Variants in CACHD1 observed in about 807,000 individuals in gnomAD.
The protein encoded by CACHD1 is VWFA and cache domain-containing protein 1.
CACHD1 carries 71 observed loss-of-function variants against 138.7 expected under a neutral mutation model. The observed-to-expected ratio is 0.51, with a 90% CI of 0.42 to 0.62. The LOEUF (loss-of-function observed/expected upper bound fraction) is 0.62. Among genes scored for constraint, CACHD1 ranks in the 20% least tolerant of loss-of-function variants. The pLI, the probability that CACHD1 is intolerant of heterozygous loss-of-function variation, is 0.00. For missense variants in CACHD1, 1,389 were observed against 1,625.3 expected, an observed-to-expected ratio of 0.85 and a Z score of 2.50; for synonymous variants, 578 against 591.5, an observed-to-expected ratio of 0.98 and a Z score of 0.33.
intron 1 of CACHD1, among the ~76,000 whole-genome samples, chr1:64,473,124 G>A (rs932429462): frequency 6.6e-6 from 1 of 152,114 alleles, no homozygotes; most frequent in Non-Finnish European, 1.5e-5. Context: ...TAACACCTTT[G>A]CAACCTCATT....
chr1:64,506,653 A>G (rs574554194), intron 1 of CACHD1, among the ~76,000 whole-genome samples: 1 of 152,310 alleles, frequency 6.6e-6, no homozygotes, highest in East Asian at 1.9e-4. Context: ...AATTAAGTGG[A>G]TGTGTCAAGA....
chr1:64,579,102 C>A (rs1246319827), intron 2 of CACHD1, among the ~76,000 whole-genome samples: 1 of 152,170 alleles, frequency 6.6e-6, no homozygotes, highest in Non-Finnish European at 1.5e-5. Context: ...GCTACTTAAT[C>A]TGCCATTGTA....
chr1:64,685,562 T>C lies in CACHD1; in HGVS notation c.3586+3456T>C, dbSNP rs556482971. Among the ~76,000 whole-genome samples, 4 of 152,242 alleles carry C rather than the reference T, an allele frequency of 2.6e-5. No individual in the cohort carries two copies. The South Asian group carries it at 6.2e-4, about 24-fold the overall frequency. ...GAAGCCTACTTCTCCCCCTTTTTTT[T>C]CCACAAGCTGTTGAGACCTTAGTGA... On this transcript the variant is annotated intron_variant, in intron 26 of 26. Transcript: ENST00000651257.
intron 4 of CACHD1, among the ~76,000 whole-genome samples, chr1:64,616,864 G>A (rs1346977470): frequency 6.6e-6 from 1 of 152,200 alleles, no homozygotes; most frequent in African/African-American, 2.4e-5. Flanking sequence ...GCTAGATGCA[G>A]GTTGAGTGGG....
At chr1:64,593,996 G>T (rs1383922739) in intron 3 of CACHD1, among the ~76,000 whole-genome samples, 4 of 152,104 alleles carry the variant, frequency 2.6e-5, no homozygotes, top group African/African-American at 9.7e-5. Context: ...TTATGGCAGG[G>T]TAATCCCAGC....
At chr1:64,523,339 T>G (rs1646511944) in intron 1 of CACHD1, among the ~76,000 whole-genome samples, 1 of 152,122 alleles carries the variant, frequency 6.6e-6, no homozygotes, top group African/African-American at 2.4e-5. Flanking sequence ...TTTTGTCTTC[T>G]TTTATAGGTT....
intron 2 of CACHD1, among the ~76,000 whole-genome samples, chr1:64,578,427 TG>T (rs1646986243): frequency 6.6e-6 from 1 of 152,252 alleles, no homozygotes; most frequent in Non-Finnish European, 1.5e-5. Context: ...TTGTTTCACC[TG>T]CTTCAATATG....
intron 2 of CACHD1, among the ~76,000 whole-genome samples, chr1:64,575,907 G>T (rs189008054): frequency 1.3e-5 from 2 of 152,316 alleles, no homozygotes; most frequent in African/African-American, 4.8e-5. Context: ...GGGGAAGTAT[G>T]CAAATGACAG....
chr1:64,567,934 T>C (rs1016395653), intron 2 of CACHD1, among the ~76,000 whole-genome samples: 3 of 152,008 alleles, frequency 2.0e-5, no homozygotes, highest in African/African-American at 7.3e-5. Context: ...AGCGACGAGC[T>C]TTTAGCTCTC....
chr1:64,516,551 C>A (rs1367930824), intron 1 of CACHD1, among the ~76,000 whole-genome samples: 1 of 152,122 alleles, frequency 6.6e-6, no homozygotes, highest in Non-Finnish European at 1.5e-5. Flanking sequence ...AAAGGAATGA[C>A]CAAATGATGA....
intron 3 of CACHD1, among the ~76,000 whole-genome samples, chr1:64,590,902 A>G (rs1477748621): frequency 6.6e-6 from 1 of 152,212 alleles, no homozygotes; most frequent in Non-Finnish European, 1.5e-5. Flanking sequence ...TGGGACGTTC[A>G]CTTAACATCT....
chr1:64,478,613 C>A (rs1453486306), intron 1 of CACHD1, among the ~76,000 whole-genome samples: 3 of 152,118 alleles, frequency 2.0e-5, no homozygotes, highest in African/African-American at 7.2e-5. Flanking sequence ...CCCCTAAGAC[C>A]CCAGAGCTCT....
chr1:64,633,281 GGAAAA>G (rs958685912), intron 6 of CACHD1, among the ~76,000 whole-genome samples: 2 of 152,034 alleles, frequency 1.3e-5, no homozygotes, highest in African/African-American at 4.8e-5. Context: ...AAGGACTTTG[GGAAAA>G]GAAAAGACTT....
At chr1:64,683,577 C>T (rs1437700016) in intron 26 of CACHD1, among the ~76,000 whole-genome samples, 1 of 152,136 alleles carries the variant, frequency 6.6e-6, no homozygotes, top group Admixed American at 6.6e-5. Context: ...AGTAAAATGG[C>T]ATATGAAGCA....
chr1:64,542,641 T>G (rs1646685776), intron 1 of CACHD1, among the ~76,000 whole-genome samples: 1 of 152,144 alleles, frequency 6.6e-6, no homozygotes, highest in South Asian at 2.1e-4. Context: ...ATATTTTAGA[T>G]ATATATTATT....
chr1:64,546,977 T>C (rs1646723071), intron 1 of CACHD1, among the ~76,000 whole-genome samples: 1 of 152,166 alleles, frequency 6.6e-6, no homozygotes. Context: ...TCCTAGGCTA[T>C]ACAGAAGAAG....
chr1:64,663,407 C>T (rs535712902), intron 13 of CACHD1, among the ~76,000 whole-genome samples: 18 of 151,948 alleles, frequency 1.2e-4, no homozygotes, highest in African/African-American at 3.1e-4. Flanking sequence ...AAAAATAAGC[C>T]GGGCGTGGTG....
chr1:64,646,790 G>A (rs535769539), intron 8 of CACHD1, among the ~76,000 whole-genome samples: 79 of 152,304 alleles, frequency 5.2e-4, no homozygotes, highest in African/African-American at 1.9e-3. Context: ...CATGATTTTA[G>A]AAGTGGACTT....
chr1:64,613,268 GA>G (rs1199839390), intron 4 of CACHD1, among the ~76,000 whole-genome samples: 1 of 152,098 alleles, frequency 6.6e-6, no homozygotes, highest in Non-Finnish European at 1.5e-5. Context: ...AAGATGCTGT[GA>G]ACATTGTTGA....
Sources: allele counts gnomAD v4.1 joint callset (sites outside exome capture counted in the v4.1 genomes callset), GRCh38; gene constraint gnomAD v4.1.1; transcripts MANE v1.5; gene names NCBI Gene and HGNC (gene_info 2026-07-23, HGNC 2026-07-21).